The following CIT variants were observed in gnomAD, a reference collection of about 807,000 sequenced individuals.
The protein encoded by CIT is citron rho-interacting serine/threonine kinase.
A neutral mutation model predicts 272.7 loss-of-function variants in CIT; 79 were observed. The ratio of observed to expected loss-of-function variants is 0.29; its 90% CI spans 0.24 to 0.35. The LOEUF (loss-of-function observed/expected upper bound fraction) is 0.35. Among genes scored for constraint, CIT ranks in the 10% least tolerant of loss-of-function variants. The pLI, the probability that CIT is intolerant of heterozygous loss-of-function variation, is 1.00. For synonymous variants in CIT, 948 were observed against 995.6 expected, an observed-to-expected ratio of 0.95 and a Z score of 0.90; for missense variants, 1,909 against 2,618.3, an observed-to-expected ratio of 0.73 and a Z score of 5.91.
In CIT at chr12:119,713,757, G is replaced by A; in HGVS notation, c.4307-109C>T. ...TCTCTACCCCAGCCGGGCCCAGAGA[G>A]TCTGGCCCTGGCTTGCAGGTAGTCT... On this transcript the variant is annotated intron_variant, in intron 33 of 47. Coordinates refer to ENST00000392521, the MANE Select transcript of CIT (RefSeq NM_001206999.2). This position sits in a 1 kb window ranked among gnomAD's most constrained non-coding sequence, Gnocchi z 5.2. 8.4e-7 allele frequency: 1 copy of A among 1,185,768 alleles called. No homozygotes were observed. The highest frequency in any genetic ancestry group is 1.2e-6 in the Non-Finnish European group (1 of 807,270). 73.5% of individuals were successfully genotyped at this position (1,185,768 alleles called of 1,614,324 possible). A position where few individuals can be genotyped will look rare whatever the true frequency, so the allele number is the denominator to read the frequency against.
intron 2 of CIT, among the ~76,000 whole-genome samples, chr12:119,874,378 T>C (rs1950776736): frequency 1.3e-5 from 2 of 152,124 alleles, no homozygotes; most frequent in South Asian, 4.1e-4. Flanking sequence ...GAATAGCAAA[T>C]GGACTCAGAA....
chr12:119,796,511 T>C (rs1197924423), intron 10 of CIT, among the ~76,000 whole-genome samples: 1 of 152,168 alleles, frequency 6.6e-6, no homozygotes, highest in East Asian at 1.9e-4. Context: ...AGGTGGTAGT[T>C]TCTTACATAA....
intron 4 of CIT, among the ~76,000 whole-genome samples, chr12:119,854,301 A>C (rs1161364421): frequency 6.7e-6 from 1 of 148,646 alleles, no homozygotes; most frequent in East Asian, 2.2e-4. Flanking sequence ...TGCTGGGATT[A>C]CAGGCGTGAG....
At chr12:119,692,883 G>A (rs893663189) in intron 46 of CIT, among the ~76,000 whole-genome samples, 4 of 152,160 alleles carry the variant, frequency 2.6e-5, no homozygotes, top group East Asian at 3.8e-4. Flanking sequence ...GCAGCAGTAA[G>A]ATTTAAGATA....
Position 119,803,296 on chromosome 12 carries a change from C to A in CIT, c.1205G>T (p.Cys402Phe), listed in dbSNP as rs755028117. 1 of 1,609,908 alleles carries A rather than the reference C, an allele frequency of 6.2e-7. No individual in the cohort carries two copies. The highest frequency in any genetic ancestry group is 8.5e-7 in the Non-Finnish European group (1 of 1,178,064). Residue 402 changes from cysteine (C) to phenylalanine (F), a missense_variant, in exon 10 of 48, where the codon TGC becomes TTC. Cys to Phe is a radical substitution (Grantham distance 205). Coordinates refer to ENST00000392521, the MANE Select transcript of CIT (RefSeq NM_001206999.2). ...CGAGAAGCCTGAGGGGCTCAGCTGGCACGGAGAGGATGAAACCCACGAATT... is the reference window on the plus strand; with the variant it reads ...CGAGAAGCCTGAGGGGCTCAGCTGGAACGGAGAGGATGAAACCCACGAATT... ...EKNSWVSSSPCQLSPSGFSGE... is the reference protein window; with the variant it reads ...EKNSWVSSSPFQLSPSGFSGE...
Position 119,831,827 on chromosome 12 carries a change from GC to G in CIT, c.753+943del, listed in dbSNP as rs1254410131. ...GGAGCTTGCAGTGAGCCGAGATCGC[GC>G]CACTGCACTCCAGCCTGGGGGACAG... On this transcript the variant is annotated intron_variant, in intron 7 of 47. Transcript: ENST00000392521. 3.3e-5 allele frequency among the ~76,000 whole-genome samples: 5 copies of G among 152,086 alleles called. No individual in the cohort carries two copies. The East Asian group carries it at 9.7e-4, about 29-fold the overall frequency.
chr12:119,745,309 T>G (rs1959201780), intron 23 of CIT, among the ~76,000 whole-genome samples: 1 of 107,334 alleles, frequency 9.3e-6, no homozygotes, highest in South Asian at 3.2e-4. Context: ...GGAGTGGGCA[T>G]GAAAAGCTAG....
chr12:119,859,106 T>C (rs547459167), intron 3 of CIT, among the ~76,000 whole-genome samples: 1 of 152,320 alleles, frequency 6.6e-6, no homozygotes, highest in Admixed American at 6.5e-5. Context: ...ATGACTCTAA[T>C]GACCTGCAGG....
chr12:119,739,733 C>G (rs1047667378), intron 24 of CIT, among the ~76,000 whole-genome samples: 1 of 152,128 alleles, frequency 6.6e-6, no homozygotes, highest in Non-Finnish European at 1.5e-5. Flanking sequence ...GCAGTTTGCA[C>G]GTATCTCATT....
At chr12:119,793,442 A>ACTTT (rs1965484376) in intron 10 of CIT, among the ~76,000 whole-genome samples, 1 of 151,966 alleles carries the variant, frequency 6.6e-6, no homozygotes, top group Non-Finnish European at 1.5e-5. Flanking sequence ...CCCTCCACAC[A>ACTTT]ATGGTCAGAG....
At chr12:119,815,764 T>C (rs1194957203) in intron 9 of CIT, among the ~76,000 whole-genome samples, 6 of 151,718 alleles carry the variant, frequency 4.0e-5, no homozygotes, top group African/African-American at 9.7e-5. Context: ...GTTAAGAGGA[T>C]AGGTTGTGCT....
intron 7 of CIT, among the ~76,000 whole-genome samples, chr12:119,827,963 C>G (rs1215345440): frequency 6.6e-6 from 1 of 152,148 alleles, no homozygotes; most frequent in Non-Finnish European, 1.5e-5. Flanking sequence ...TCCTTATTTG[C>G]AGCTCACAGG....
Position 119,713,105 on chromosome 12 carries a change from G to T in CIT, c.4579+98C>A. 1.2e-6 allele frequency: 1 copy of T among 850,412 alleles called. No individual in the cohort carries two copies. The allele number at this position is 850,412 out of a possible 1,614,324, so 52.7% of individuals were successfully genotyped here. A position where few individuals can be genotyped will look rare whatever the true frequency, so the allele number is the denominator to read the frequency against. ...TTTCAAAAATGGAAAAGCGTAGAAG[G>T]CTTGCAAGGCAGTCCAAAAAACAAA... On this transcript the variant is annotated intron_variant, in intron 35 of 47. Transcript: ENST00000392521. The surrounding 1 kb of genome is among the most constrained non-coding windows in gnomAD (Gnocchi z 5.2).
chr12:119,768,962 C>G lies in CIT; in HGVS notation c.2209-1780G>C, dbSNP rs1050248651. On this transcript the variant is annotated intron_variant, in intron 18 of 47. Transcript: ENST00000392521. The surrounding 1 kb of genome is among the most constrained non-coding windows in gnomAD (Gnocchi z 4.3). The stretch of plus-strand genomic sequence containing the variant: ...CACAGGGTTCTTGAGCAAAAGGCAC[C>G]TTCTAATAAATGAAGTCACAACCAC... 2.0e-5 allele frequency among the ~76,000 whole-genome samples: 3 copies of G among 152,156 alleles called. No homozygotes were observed. The East Asian group carries it at 5.8e-4, about 29-fold the overall frequency.
chr12:119,769,371 T>C (rs6490269), intron 18 of CIT, among the ~76,000 whole-genome samples: 70,404 of 152,046 alleles, frequency 0.46, 16,864 homozygotes, highest in Admixed American at 0.56. Flanking sequence ...TTTCTAGATA[T>C]ATTGGATCAA....
chr12:119,830,866 C>A (rs1309528270), intron 7 of CIT, among the ~76,000 whole-genome samples: 1 of 152,164 alleles, frequency 6.6e-6, no homozygotes, highest in Non-Finnish European at 1.5e-5. Context: ...TTCACGAATG[C>A]AGCATATAAA....
intron 5 of CIT, among the ~76,000 whole-genome samples, chr12:119,842,388 C>CAAAAAA (rs58634070): frequency 4.2e-5 from 3 of 71,524 alleles, no homozygotes; most frequent in African/African-American, 1.6e-4. Context: ...GACTGCATCT[C>CAAAAAA]AAAAAAAAAA....
Position 119,857,520 on chromosome 12 carries a change from T to A in CIT, c.414+3A>T. On this transcript the variant is annotated splice_donor_region_variant and intron_variant, in intron 4 of 47. Transcript: ENST00000392521. ...GAAAAGCATGATGTTAAAATCCTCCTACCTGCTCCTGGGCCAATAAAGCCT... is the reference window on the plus strand; with the variant it reads ...GAAAAGCATGATGTTAAAATCCTCCAACCTGCTCCTGGGCCAATAAAGCCT... 1 of 1,613,994 alleles carries A rather than the reference T, an allele frequency of 6.2e-7. No homozygotes were observed. The highest frequency in any genetic ancestry group is 1.3e-5 in the African/African-American group (1 of 75,056).
chr12:119,824,199 G>T (rs1033105340), intron 8 of CIT, among the ~76,000 whole-genome samples: 3 of 147,756 alleles, frequency 2.0e-5, no homozygotes, highest in Non-Finnish European at 4.5e-5. Context: ...TCATTCAATT[G>T]TAATACCATA....
Sources: allele counts gnomAD v4.1 joint callset (sites outside exome capture counted in the v4.1 genomes callset), GRCh38; gene constraint gnomAD v4.1.1; non-coding constraint Gnocchi (gnomAD v3.1); transcripts MANE v1.5; gene names NCBI Gene and HGNC (gene_info 2026-07-23, HGNC 2026-07-21).